PRKACB: variants seen among roughly 807,000 people sequenced by gnomAD.
PRKACB encodes the protein cAMP-dependent protein kinase catalytic subunit beta.
In PRKACB, 16 loss-of-function variants were observed where a neutral mutation model predicts 51.4. The ratio of observed to expected loss-of-function variants is 0.31; its 90% CI spans 0.21 to 0.47. The LOEUF (loss-of-function observed/expected upper bound fraction) is 0.47, where lower values mean the gene tolerates loss of function less well. PRKACB is among the 20% of genes least tolerant of loss of function. The pLI is 1.00. For missense variants in PRKACB, 309 were observed against 464.5 expected, an observed-to-expected ratio of 0.67 and a Z score of 3.08; for synonymous variants, 147 against 154.4, an observed-to-expected ratio of 0.95 and a Z score of 0.35.
rs539661761 is a variant in PRKACB at position 84,149,679 on chromosome 1, C to A, written c.187+5131C>A. ...TAAGGATATACTATAATTTATTTAA[C>A]CAATCATTGGCCATCTAGGCTGTTT... On this transcript the variant is annotated intron_variant, in intron 1 of 9. Coordinates refer to ENST00000370685, the MANE Select transcript of PRKACB (RefSeq NM_182948.4). Among the ~76,000 whole-genome samples, 12 of 152,130 alleles carry A rather than the reference C, an allele frequency of 7.9e-5. No homozygotes were observed. The East Asian group carries it at 2.3e-3, about 29-fold the overall frequency.
At chr1:84,164,157 A>G (rs1656677801) in intron 1 of PRKACB, 1 of 472,356 alleles carries the variant, frequency 2.1e-6, no homozygotes, top group Non-Finnish European at 2.8e-6. Flanking sequence ...AGATATACAT[A>G]TATGTATATA....
chr1:84,230,091 TC>T (rs1490866583), intron 9 of PRKACB, among the ~76,000 whole-genome samples: 2 of 152,108 alleles, frequency 1.3e-5, no homozygotes, highest in African/African-American at 4.8e-5. Flanking sequence ...CTTTAACCCA[TC>T]TTGAATTGAT....
chr1:84,133,276 A>G (rs894271025), intron 1 of PRKACB, among the ~76,000 whole-genome samples: 8 of 152,202 alleles, frequency 5.3e-5, no homozygotes, highest in Non-Finnish European at 1.2e-4. Context: ...CTATAATTAT[A>G]TATCTGTGAA....
intron 1 of PRKACB, among the ~76,000 whole-genome samples, chr1:84,156,235 A>G (rs535901056): frequency 3.3e-5 from 5 of 152,012 alleles, no homozygotes; most frequent in South Asian, 2.1e-4. Flanking sequence ...GGGTCAAGCA[A>G]TCTCCTGTAT....
intron 1 of PRKACB, among the ~76,000 whole-genome samples, chr1:84,107,543 C>T (rs560807261): frequency 6.6e-6 from 1 of 151,980 alleles, no homozygotes; most frequent in Non-Finnish European, 1.5e-5. Flanking sequence ...AATAAACAAA[C>T]AACCTACAAA....
At chr1:84,086,267 A>C (rs916354463) in intron 1 of PRKACB, 6 of 1,414,794 alleles carry the variant, frequency 4.2e-6, no homozygotes, top group Non-Finnish European at 5.0e-6. Flanking sequence ...CCTTGCCCCC[A>C]TGGGACCCCA....
intron 9 of PRKACB, among the ~76,000 whole-genome samples, chr1:84,225,937 A>G (rs1674512660): frequency 6.6e-6 from 1 of 152,152 alleles, no homozygotes; most frequent in African/African-American, 2.4e-5. Flanking sequence ...GCTTTATTCA[A>G]CATGTGATTA....
chr1:84,208,225 T>C (rs1671625886), intron 8 of PRKACB, among the ~76,000 whole-genome samples: 1 of 152,260 alleles, frequency 6.6e-6, no homozygotes, highest in Non-Finnish European at 1.5e-5. Context: ...ATTTACTTTT[T>C]GGTTGTAACT....
At chr1:84,199,088 CGTATATATGCATATATG>C (rs1669206321) in intron 7 of PRKACB, among the ~76,000 whole-genome samples, 3 of 138,950 alleles carry the variant, frequency 2.2e-5, no homozygotes, top group East Asian at 4.2e-4. Flanking sequence ...TATATATATG[CGTATATATGCATATATG>C]TATATATATG....
intron 1 of PRKACB, among the ~76,000 whole-genome samples, chr1:84,177,158 G>A (rs1661574877): frequency 6.6e-6 from 1 of 151,908 alleles, no homozygotes; most frequent in Non-Finnish European, 1.5e-5. Context: ...GCAACTTGAT[G>A]TGCAAGTTCT....
At chr1:84,185,752 G>C (rs915450237) in intron 5 of PRKACB, among the ~76,000 whole-genome samples, 1 of 151,922 alleles carries the variant, frequency 6.6e-6, no homozygotes, top group African/African-American at 2.4e-5. Flanking sequence ...AGAATCTGAT[G>C]GTTTTACCTG....
chr1:84,109,791 A>G (rs184044380), intron 1 of PRKACB, among the ~76,000 whole-genome samples: 36 of 151,994 alleles, frequency 2.4e-4, no homozygotes, highest in Non-Finnish European at 4.7e-4. Flanking sequence ...TAATTTGTAT[A>G]TATTTAATAA....
chr1:84,179,275 T>G, intron 2 of PRKACB, 37 bp downstream of exon 2: 2 of 1,511,000 alleles, frequency 1.3e-6, no homozygotes, highest in Admixed American at 4.3e-5. Flanking sequence ...ATTAAAAATC[T>G]TGTATTAATA....
chr1:84,104,923 A>C (rs969737730), intron 1 of PRKACB, among the ~76,000 whole-genome samples: 3 of 152,164 alleles, frequency 2.0e-5, no homozygotes, highest in African/African-American at 7.2e-5. Flanking sequence ...TATGGTGAGC[A>C]TATCTTTTTG....
chr1:84,117,163 GATTGTAGCTT>G (rs1188199476), intron 1 of PRKACB, among the ~76,000 whole-genome samples: 1 of 151,962 alleles, frequency 6.6e-6, no homozygotes, highest in Non-Finnish European at 1.5e-5. Context: ...AATCCCACTT[GATTGTAGCTT>G]ATTATCTTTT....
intron 5 of PRKACB, 29 bp downstream of exon 5, chr1:84,185,211 C>G: frequency 7.1e-7 from 1 of 1,411,010 alleles, no homozygotes; most frequent in Non-Finnish European, 9.6e-7. Flanking sequence ...TTCTTCAAAT[C>G]TTTATATGCT....
chr1:84,217,068 G>C (rs534945427), intron 9 of PRKACB, among the ~76,000 whole-genome samples: 1 of 152,278 alleles, frequency 6.6e-6, no homozygotes, highest in South Asian at 2.1e-4. Context: ...CCAATCATTA[G>C]CAGTATGATC....
At chr1:84,216,955 T>G (rs1426768749) in intron 9 of PRKACB, among the ~76,000 whole-genome samples, 3 of 152,230 alleles carry the variant, frequency 2.0e-5, no homozygotes, top group African/African-American at 7.2e-5. Flanking sequence ...TTAACTTTTA[T>G]GCTTTGAGCA....
At chr1:84,215,261 C>T (rs1385419361) in intron 9 of PRKACB, among the ~76,000 whole-genome samples, 1 of 152,088 alleles carries the variant, frequency 6.6e-6, no homozygotes, top group East Asian at 1.9e-4. Flanking sequence ...AAATAGTTAT[C>T]AGGTCCCTGC....
Sources: gnomAD v4.1 joint callset for allele counts (sites outside exome capture counted in the v4.1 genomes callset) on GRCh38, gnomAD v4.1.1 for gene constraint, MANE v1.5 for transcripts, NCBI Gene and HGNC (gene_info 2026-07-23, HGNC 2026-07-21) for gene names.